Variants in DSC2 observed in about 807,000 individuals in gnomAD.
DSC2 encodes the protein desmocollin-2.
In DSC2, 51 loss-of-function variants were observed where a neutral mutation model predicts 87.6. The observed-to-expected ratio is 0.58, with a 90% CI of 0.46 to 0.74. The LOEUF (loss-of-function observed/expected upper bound fraction) is 0.74. Among genes scored for constraint, DSC2 ranks in the 30% least tolerant of loss-of-function variants. The probability of loss-of-function intolerance (pLI) is 0.00; values close to 1 mark genes in which losing one functional copy is unlikely to be tolerated. For missense variants in DSC2, 1,066 were observed against 1,089.5 expected, an observed-to-expected ratio of 0.98 and a Z score of 0.30; for synonymous variants, 383 against 393.2, an observed-to-expected ratio of 0.97 and a Z score of 0.31.
At chr18:31,097,156 C>T (rs962902061) in intron 1 of DSC2, among the ~76,000 whole-genome samples, 12 of 151,646 alleles carry the variant, frequency 7.9e-5, no homozygotes, top group East Asian at 3.9e-4. Context: ...GGCGTGGTGG[C>T]GGGCACCGGT....
rs75977378 is a variant in DSC2, at chr18:31,074,155, C to T, written c.1888+528G>A. ...GGGGTTCACTGAGGTTGTCATTTGG[C>T]TTGTGCTGCAGCTTGACTTCTCTTT... On this transcript the variant is annotated intron_variant, in intron 12 of 15. Transcript: ENST00000280904. 3.8e-3 allele frequency among the ~76,000 whole-genome samples: 572 copies of T among 152,278 alleles called. 13 individuals carry two copies. The East Asian group carries it at 0.068, about 18-fold the overall frequency.
At position 31,061,587 on chromosome 18, in the gene DSC2, T is replaced by G. The variant is rs1276197962; in HGVS notation, c.*6428A>C. 1 of 152,198 alleles carries G rather than the reference T, an allele frequency of 6.6e-6. No homozygotes were observed. Among genetic ancestry groups the G allele is most frequent in the Non-Finnish European group, 1.5e-5 (1 of 68,032 alleles). 9.4% of individuals were successfully genotyped at this position (152,198 alleles called of 1,614,324 possible). Reference sequence around the variant, plus strand: ...AGATTTAGGGTGTGTTCTTTTAAATTAAAGTGCTCTGTTTACCTGACTAGC... The same window carrying G: ...AGATTTAGGGTGTGTTCTTTTAAATGAAAGTGCTCTGTTTACCTGACTAGC... On this transcript the variant is annotated 3_prime_UTR_variant, in exon 16 of 16. Coordinates refer to ENST00000280904, the MANE Select transcript of DSC2 (RefSeq NM_024422.6).
At chr18:31,073,404 C>T (rs1040497286) in intron 12 of DSC2, among the ~76,000 whole-genome samples, 8 of 147,872 alleles carry the variant, frequency 5.4e-5, no homozygotes, top group South Asian at 2.2e-4. Context: ...CACACACACA[C>T]GCACACACAA....
rs1328702895 is a variant in DSC2 at position 31,060,046 on chromosome 18, A to G, written c.*7969T>C. ...TGAGATTTGGATCCACGTCTTTCTG[A>G]CTGCGAAGTCTGTGTGTGATCATTG... On this transcript the variant is annotated 3_prime_UTR_variant, in exon 16 of 16. Transcript: ENST00000280904. 2.0e-5 allele frequency: 3 copies of G among 152,160 alleles called. No homozygotes were observed. Among genetic ancestry groups the G allele is most frequent in the African/African-American group, 7.2e-5 (3 of 41,450 alleles). The allele number at this position is 152,160 out of a possible 1,614,324, so 9.4% of individuals were successfully genotyped here.
chr18:31,070,244 A>C (rs558572119), intron 14 of DSC2, among the ~76,000 whole-genome samples: 101 of 152,314 alleles, frequency 6.6e-4, no homozygotes, highest in African/African-American at 2.4e-3. Context: ...ACCACTTGCT[A>C]GCATTGCTAT....
rs1362937940 is a variant in DSC2 at position 31,097,567 on chromosome 18, A to T, written c.70-3924T>A. 2.0e-5 allele frequency among the ~76,000 whole-genome samples: 3 copies of T among 151,890 alleles called. 1 individual carries two copies. The highest frequency in any genetic ancestry group is 4.9e-5 in the African/African-American group (2 of 41,138). ...ATTTAAAAGGCTATAAGGAAAAAAT[A>T]AAAAATTAAGATAGGAAAATTATTT... is the stretch of plus-strand genomic sequence containing the variant. On this transcript the variant is annotated intron_variant, in intron 1 of 15. Transcript: ENST00000280904.
At chr18:31,076,250 T>C (rs1008026534) in intron 11 of DSC2, among the ~76,000 whole-genome samples, 3 of 152,036 alleles carry the variant, frequency 2.0e-5, no homozygotes, top group African/African-American at 4.8e-5. Flanking sequence ...AGCGTCATCA[T>C]GGGTCAGGAG....
At chr18:31,090,586 G>C (rs1382647052) in intron 4 of DSC2, among the ~76,000 whole-genome samples, 1 of 152,074 alleles carries the variant, frequency 6.6e-6, no homozygotes, top group Non-Finnish European at 1.5e-5. Context: ...AAGAGACAGA[G>C]ACAGAGAGAG....
rs34582584 is a variant in DSC2 at position 31,073,373 on chromosome 18, G to GCA, written c.1888+1308_1888+1309dup. 2.6e-3 allele frequency among the ~76,000 whole-genome samples: 377 copies of GCA among 147,078 alleles called. 1 individual carries two copies. Among genetic ancestry groups the GCA allele is most frequent in the African/African-American group, 7.5e-3 (301 of 40,214 alleles). Reference sequence around the variant, plus strand: ...ACTGATAACCCCGATACACACACACGCACACACACACACACACACACACAC... The same window carrying GCA: ...ACTGATAACCCCGATACACACACACGCACACACACACACACACACACACACAC... On this transcript the variant is annotated intron_variant, in intron 12 of 15. Coordinates refer to ENST00000280904, the MANE Select transcript of DSC2 (RefSeq NM_024422.6).
Position 31,067,291 on chromosome 18 carries a change from A to G in DSC2, c.*724T>C, listed in dbSNP as rs1458360800. 1 of 151,780 alleles carries G rather than the reference A, an allele frequency of 6.6e-6. No homozygotes were observed. The highest frequency in any genetic ancestry group is 2.4e-5 in the African/African-American group (1 of 41,390). 9.4% of individuals were successfully genotyped at this position (151,780 alleles called of 1,614,324 possible). ...ACTGGAGAGAGAAACAGAAAGAGAC[A>G]GAGAGAAAGAGAGAGATGCTACTTG... On this transcript the variant is annotated 3_prime_UTR_variant, in exon 16 of 16. Transcript: ENST00000280904.
chr18:31,077,702 T>C (rs1987069611), intron 11 of DSC2, among the ~76,000 whole-genome samples: 2 of 152,224 alleles, frequency 1.3e-5, no homozygotes, highest in Non-Finnish European at 2.9e-5. Context: ...AATATAATTC[T>C]ACATGGACAA....
chr18:31,081,068 G>A (rs894604109), intron 9 of DSC2, among the ~76,000 whole-genome samples: 2 of 151,958 alleles, frequency 1.3e-5, no homozygotes, highest in African/African-American at 4.8e-5. Flanking sequence ...CTCCTTTAGG[G>A]GATTCATACT....
chr18:31,098,866 T>C (rs982611476), intron 1 of DSC2, among the ~76,000 whole-genome samples: 20 of 152,202 alleles, frequency 1.3e-4, no homozygotes, highest in African/African-American at 4.8e-4. Context: ...ACATTATTTG[T>C]AATAGCAGAA....
In DSC2 at chr18:31,064,259, A is replaced by C. The variant is rs963278702; in HGVS notation, c.*3756T>G. On this transcript the variant is annotated 3_prime_UTR_variant, in exon 16 of 16. Transcript: ENST00000280904. The stretch of plus-strand genomic sequence containing the variant: ...TGATGTGTTTTACAGGCATTAGCCC[A>C]CTCCTTACATCCACCGTGTCTTGAC... 1 of 152,030 alleles carries C rather than the reference A, an allele frequency of 6.6e-6. No homozygotes were observed. Among genetic ancestry groups the C allele is most frequent in the African/African-American group, 2.4e-5 (1 of 41,366 alleles). 9.4% of individuals were successfully genotyped at this position (152,030 alleles called of 1,614,324 possible).
chr18:31,079,761 A>G, intron 11 of DSC2, 86 bp downstream of exon 11: 1 of 1,521,810 alleles, frequency 6.6e-7, no homozygotes, highest in Non-Finnish European at 9.1e-7. Context: ...GCATGTATCC[A>G]GCTTTAAAAT....
rs2144812470 is a variant in DSC2, at chr18:31,079,863, G to A, written c.1647C>T (p.Val549=). Residue 549 remains valine, a synonymous_variant, in exon 11 of 16, where the codon GTC becomes GTT. Coordinates refer to ENST00000280904, the MANE Select transcript of DSC2 (RefSeq NM_024422.6). The stretch of plus-strand genomic sequence containing the variant: ...AATTCTTACCTTGGTCTGATGCAAG[G>A]ACTGTAATATTATATATGCCATTTT... ...TIKNGIYNIT[V]LASDQGGRTC... 6.2e-7 allele frequency: 1 copy of A among 1,613,876 alleles called. No individual in the cohort carries two copies. The highest frequency in any genetic ancestry group is 1.7e-5 in the Admixed American group (1 of 60,008).
In DSC2 at chr18:31,095,124, G is replaced by A. The variant is rs564443371; in HGVS notation, c.70-1481C>T. ...CGACAAAAATAAAGCAGGGAGAGAG[G>A]GTGACAACGAGAATACCTGAGCGTA... On this transcript the variant is annotated intron_variant, in intron 1 of 15. Transcript: ENST00000280904. Among the ~76,000 whole-genome samples, 52 of 152,246 alleles carry A rather than the reference G, an allele frequency of 3.4e-4. 1 individual carries two copies. The South Asian group carries it at 0.011, about 31-fold the overall frequency.
chr18:31,071,495 G>C, intron 13 of DSC2, 110 bp downstream of exon 13: 1 of 936,070 alleles, frequency 1.1e-6, no homozygotes, highest in Non-Finnish European at 1.7e-6. Flanking sequence ...GCAGTGAGCG[G>C]AGATCACACT....
chr18:31,082,906 A>C lies in DSC2; in HGVS notation c.1077+20T>G, dbSNP rs1598583658. 1 of 1,611,690 alleles carries C rather than the reference A, an allele frequency of 6.2e-7. No homozygotes were observed. Among genetic ancestry groups the C allele is most frequent in the South Asian group, 1.1e-5 (1 of 90,964 alleles). On this transcript the variant is annotated intron_variant, in intron 8 of 15. Coordinates refer to ENST00000280904, the MANE Select transcript of DSC2 (RefSeq NM_024422.6). The stretch of plus-strand genomic sequence containing the variant: ...AAAACTGGTCTATACATTTTTCTTT[A>C]ATTAATATCATACACTTACAGAAGT...
Sources: allele counts gnomAD v4.1 joint callset (sites outside exome capture counted in the v4.1 genomes callset), GRCh38; gene constraint gnomAD v4.1.1; transcripts MANE v1.5; gene names NCBI Gene and HGNC (gene_info 2026-07-23, HGNC 2026-07-21).